The following PARN variants were observed in gnomAD, a reference collection of about 807,000 sequenced individuals.
The protein encoded by PARN is poly(A)-specific ribonuclease PARN.
Under a neutral mutation model 102.8 loss-of-function variants are expected in PARN, and 71 were observed. That is an observed-to-expected ratio of 0.69 (90% CI 0.57 to 0.84). The LOEUF is 0.84. PARN is among the 40% of genes least tolerant of loss of function. The pLI, the probability that PARN is intolerant of heterozygous loss-of-function variation, is 0.00. For missense variants in PARN, 782 were observed against 760.9 expected (o/e 1.03, Z -0.33); for synonymous variants, 261 against 252.9 (o/e 1.03, Z -0.30).
At chr16:14,543,177 T>C (rs1283370212) in intron 21 of PARN, among the ~76,000 whole-genome samples, 1 of 152,194 alleles carries the variant, frequency 6.6e-6, no homozygotes, top group African/African-American at 2.4e-5. Flanking sequence ...ACTACAGCTT[T>C]AAAACACTGA....
intron 21 of PARN, among the ~76,000 whole-genome samples, chr16:14,488,293 G>C (rs1963841512): frequency 6.6e-6 from 1 of 152,116 alleles, no homozygotes; most frequent in Admixed American, 6.6e-5. Flanking sequence ...AATTTGAAAA[G>C]GAAATATAAG....
chr16:14,567,661 G>A (rs1431015779), intron 18 of PARN, among the ~76,000 whole-genome samples: 2 of 152,182 alleles, frequency 1.3e-5, no homozygotes, highest in Non-Finnish European at 2.9e-5. Context: ...ACTGCTATAA[G>A]TGGCCTCCTT....
intron 21 of PARN, among the ~76,000 whole-genome samples, chr16:14,544,529 C>G (rs915933826): frequency 6.6e-6 from 1 of 152,008 alleles, no homozygotes; most frequent in Non-Finnish European, 1.5e-5. Context: ...AAGCTGAGAC[C>G]GCACCACTGC....
intron 23 of PARN, among the ~76,000 whole-genome samples, chr16:14,441,083 A>G (rs1960919541): frequency 6.6e-6 from 1 of 152,238 alleles, no homozygotes; most frequent in Non-Finnish European, 1.5e-5. Context: ...AAATTTTAAT[A>G]TGAAATACTA....
At chr16:14,558,233 G>C (rs1967824560) in intron 18 of PARN, 1 of 152,184 alleles carries the variant, frequency 6.6e-6, no homozygotes, top group Non-Finnish European at 1.5e-5. Flanking sequence ...AGGAGTTTGA[G>C]ACCAGCCTGG....
At chr16:14,533,565 A>G (rs1966477163) in intron 21 of PARN, among the ~76,000 whole-genome samples, 1 of 152,110 alleles carries the variant, frequency 6.6e-6, no homozygotes, top group Admixed American at 6.5e-5. Context: ...GCTGCCCCAC[A>G]GCTGCTCCAC....
intron 22 of PARN, among the ~76,000 whole-genome samples, chr16:14,480,769 C>T (rs757029221): frequency 6.6e-6 from 1 of 152,006 alleles, no homozygotes; most frequent in African/African-American, 2.4e-5. Context: ...GGCAAAACAT[C>T]GTCTCTACTA....
chr16:14,555,432 T>G (rs1380004122), intron 19 of PARN, among the ~76,000 whole-genome samples: 1 of 152,172 alleles, frequency 6.6e-6, no homozygotes, highest in African/African-American at 2.4e-5. Flanking sequence ...GATACATGCT[T>G]CTAAAATTCA....
intron 21 of PARN, among the ~76,000 whole-genome samples, chr16:14,530,544 TAA>T (rs34950119): frequency 6.8e-6 from 1 of 146,636 alleles, no homozygotes. Context: ...AAGGTTACAT[TAA>T]AAAAAAAAAA....
At chr16:14,628,289 A>C in intron 2 of PARN, 38 bp from the exon 3 acceptor site, 2 of 1,150,120 alleles carry the variant, frequency 1.7e-6, no homozygotes, top group Non-Finnish European at 2.6e-6. Context: ...GCTTACTAAT[A>C]AATACTAACG....
At chr16:14,581,267 G>A (rs1969516599) in intron 17 of PARN, among the ~76,000 whole-genome samples, 1 of 152,074 alleles carries the variant, frequency 6.6e-6, no homozygotes, top group Non-Finnish European at 1.5e-5. Flanking sequence ...GGTCAGGCTG[G>A]TCTCAAACTC....
At chr16:14,451,867 T>TAAAAAAAAAAAAAAAAAAAAAAA (rs1567287329) in intron 22 of PARN, among the ~76,000 whole-genome samples, 3 of 23,744 alleles carry the variant, frequency 1.3e-4, no homozygotes, top group Non-Finnish European at 2.2e-4. Context: ...AAAAAAAAAA[T>TAAAAAAAAAAAAAAAAAAAAAAA]ACAAAAAAAA....
At chr16:14,525,636 G>C (rs1357817875) in intron 21 of PARN, among the ~76,000 whole-genome samples, 3 of 151,888 alleles carry the variant, frequency 2.0e-5, no homozygotes, top group Non-Finnish European at 4.4e-5. Context: ...ACCTGCAAAG[G>C]GGCCCTGCAA....
chr16:14,450,466 T>A (rs1001055232), intron 22 of PARN, among the ~76,000 whole-genome samples: 5 of 152,152 alleles, frequency 3.3e-5, no homozygotes, highest in African/African-American at 1.2e-4. Context: ...AGATACGGGT[T>A]TAGGCTTGTG....
At chr16:14,579,923 C>A (rs1252556160) in intron 18 of PARN, among the ~76,000 whole-genome samples, 1 of 151,356 alleles carries the variant, frequency 6.6e-6, no homozygotes, top group East Asian at 1.9e-4. Flanking sequence ...TTGCCGTGAG[C>A]TGAGATTGTG....
rs747274704 is a variant in PARN at position 14,436,385 on chromosome 16, G to C, written c.*332C>G. The C allele has an allele frequency of 6.1e-6, 2 of 327,826 alleles. No homozygotes were observed. The highest frequency in any genetic ancestry group is 4.2e-5 in the African/African-American group (2 of 47,428). The allele number at this position is 327,826 out of a possible 1,614,324, so 20.3% of individuals were successfully genotyped here. ...AGCTCTTTTTGCAGATTTCACAGCC[G>C]ACACTCCCCATCAGGCAGGTTCTTA... On this transcript the variant is annotated 3_prime_UTR_variant, in exon 24 of 24. Coordinates refer to ENST00000437198, the MANE Select transcript of PARN (RefSeq NM_002582.4).
chr16:14,564,488 T>C (rs928908046), intron 18 of PARN, among the ~76,000 whole-genome samples: 4 of 152,072 alleles, frequency 2.6e-5, no homozygotes, highest in African/African-American at 4.8e-5. Flanking sequence ...AGCAAGCTGC[T>C]ACCTGGGCAT....
chr16:14,535,697 G>C (rs1024399647), intron 21 of PARN, among the ~76,000 whole-genome samples: 2 of 152,154 alleles, frequency 1.3e-5, no homozygotes, highest in Non-Finnish European at 2.9e-5. Flanking sequence ...GAAAAACAGA[G>C]CACATACACA....
intron 13 of PARN, among the ~76,000 whole-genome samples, chr16:14,587,981 C>A (rs937923407): frequency 3.2e-4 from 48 of 152,274 alleles, no homozygotes; most frequent in African/African-American, 1.1e-3. Context: ...ATGGCTACAC[C>A]CCTTGTCCAA....
Sources: gnomAD v4.1 joint callset for allele counts (sites outside exome capture counted in the v4.1 genomes callset) on GRCh38, gnomAD v4.1.1 for gene constraint, MANE v1.5 for transcripts, NCBI Gene and HGNC (gene_info 2026-07-23, HGNC 2026-07-21) for gene names.